The following PCSK6 variants were observed in gnomAD, a reference collection of about 807,000 sequenced individuals.
PCSK6 encodes proprotein convertase subtilisin/kexin type 6.
In PCSK6, 85 loss-of-function variants were observed where a neutral mutation model predicts 123.3. That is an observed-to-expected ratio of 0.69 (90% CI 0.58 to 0.83). The LOEUF is 0.83. PCSK6 is among the 40% of genes least tolerant of loss of function. The probability of loss-of-function intolerance (pLI) is 0.00; values close to 1 mark genes in which losing one functional copy is unlikely to be tolerated. For missense variants in PCSK6, 1,191 were observed against 1,282.3 expected, an observed-to-expected ratio of 0.93 and a Z score of 1.09; for synonymous variants, 508 against 516.0, an observed-to-expected ratio of 0.98 and a Z score of 0.21.
At chr15:101,332,454 A>C (rs2040391726) in intron 13 of PCSK6, among the ~76,000 whole-genome samples, 1 of 152,090 alleles carries the variant, frequency 6.6e-6, no homozygotes, top group Non-Finnish European at 1.5e-5. Flanking sequence ...CCTGGCTGTG[A>C]GTCTTGCCCT....
At chr15:101,342,629 C>T (rs554967762) in intron 13 of PCSK6, among the ~76,000 whole-genome samples, 5 of 152,294 alleles carry the variant, frequency 3.3e-5, no homozygotes, top group African/African-American at 9.6e-5. Context: ...CAGCTGGGCA[C>T]GGTGGCTCAC....
intron 13 of PCSK6, among the ~76,000 whole-genome samples, chr15:101,333,109 C>G (rs1440508872): frequency 6.6e-6 from 1 of 152,212 alleles, no homozygotes; most frequent in African/African-American, 2.4e-5. Context: ...CGCCTATCTG[C>G]AGGCCGACTC....
intron 20 of PCSK6, chr15:101,308,702 G>A (rs1301796773): frequency 8.8e-6 from 1 of 113,210 alleles, no homozygotes; most frequent in African/African-American, 3.8e-5. Flanking sequence ...GTGCACTTGT[G>A]GGAAGCCCCA....
intron 1 of PCSK6, among the ~76,000 whole-genome samples, chr15:101,470,613 A>G (rs757930833): frequency 2.0e-5 from 3 of 152,180 alleles, no homozygotes; most frequent in Non-Finnish European, 1.5e-5. Context: ...TAGAATTAGG[A>G]GAATCTATAA....
intron 20 of PCSK6, among the ~76,000 whole-genome samples, chr15:101,311,063 G>A (rs918394815): frequency 2.0e-5 from 3 of 152,130 alleles, no homozygotes; most frequent in Non-Finnish European, 4.4e-5. Context: ...CCTTGGTGAT[G>A]AGTGAGTTCA....
At chr15:101,444,276 G>A (rs538892304) in intron 1 of PCSK6, among the ~76,000 whole-genome samples, 1 of 152,284 alleles carries the variant, frequency 6.6e-6, no homozygotes, top group South Asian at 2.1e-4. Context: ...GGAACCAACA[G>A]CAGCCCTGTG....
At chr15:101,332,434 T>G (rs2040391104) in intron 13 of PCSK6, among the ~76,000 whole-genome samples, 1 of 152,218 alleles carries the variant, frequency 6.6e-6, no homozygotes, top group South Asian at 2.1e-4. Flanking sequence ...TGGGTAAATC[T>G]GGTGCCAGGC....
intron 13 of PCSK6, among the ~76,000 whole-genome samples, chr15:101,354,604 C>G (rs1373066210): frequency 6.6e-6 from 1 of 152,260 alleles, no homozygotes; most frequent in Non-Finnish European, 1.5e-5. Flanking sequence ...CTCAGACAGT[C>G]TTGCATTCTG....
At position 101,393,368 on chromosome 15, in the gene PCSK6, C is replaced by G. The variant is rs974748749; in HGVS notation, c.1053G>C (p.Glu351Asp). ...FVWASGNGGR[E>D]GDYCSCDGYT... is the part of the protein sequence containing the mutation. ...AGCCATCGCACGAGCAGTAGTCCCC[C>G]TCTCTCCCGCCATTCCCAGATGCCC... The change falls in exon 8 of 22, where the codon GAG (glutamate) becomes GAC (aspartate). Residue 351 changes from glutamate (E) to aspartate (D), a missense_variant. Glu to Asp is a conservative substitution (Grantham distance 45). Coordinates refer to ENST00000611716, the MANE Select transcript of PCSK6 (RefSeq NM_002570.5). The G allele has an allele frequency of 1.2e-6, 2 of 1,605,930 alleles. No homozygotes were observed. Among genetic ancestry groups the G allele is most frequent in the Non-Finnish European group, 1.7e-6 (2 of 1,176,074 alleles).
chr15:101,465,719 C>T (rs2057443616), intron 1 of PCSK6, among the ~76,000 whole-genome samples: 1 of 152,122 alleles, frequency 6.6e-6, no homozygotes. Context: ...TCTAAGGCAC[C>T]TGAACTACAC....
intron 15 of PCSK6, among the ~76,000 whole-genome samples, chr15:101,326,775 T>C (rs1194814395): frequency 2.0e-5 from 3 of 152,108 alleles, no homozygotes; most frequent in African/African-American, 7.2e-5. Context: ...AGATGGGACT[T>C]GTGAGAGCCT....
At position 101,332,810 on chromosome 15, in the gene PCSK6, T is replaced by C. The variant is rs2040398849; in HGVS notation, c.1859-779A>G. 4.6e-5 allele frequency among the ~76,000 whole-genome samples: 7 copies of C among 152,240 alleles called. No homozygotes were observed. In the South Asian group the frequency reaches 1.2e-3, roughly 27 times the overall value. ...CCACCGACAGCTCCACAGGGAGCGA[T>C]GGCCCATGCAGCTGTCTGTTCTCAG... On this transcript the variant is annotated intron_variant, in intron 13 of 21. Transcript: ENST00000611716.
At chr15:101,347,107 G>T (rs1477359717) in intron 13 of PCSK6, 1 of 1,231,614 alleles carries the variant, frequency 8.1e-7, no homozygotes, top group East Asian at 3.2e-5. Flanking sequence ...AAGGAAGTGG[G>T]AGTGATACTC....
chr15:101,383,240 C>A (rs1226254364), intron 10 of PCSK6, among the ~76,000 whole-genome samples: 1 of 151,888 alleles, frequency 6.6e-6, no homozygotes, highest in African/African-American at 2.4e-5. Context: ...AACCCCGTCT[C>A]CACTAAAAAT....
chr15:101,349,254 A>G (rs1346872312), intron 13 of PCSK6, among the ~76,000 whole-genome samples: 1 of 152,214 alleles, frequency 6.6e-6, no homozygotes, highest in Non-Finnish European at 1.5e-5. Flanking sequence ...CAGTTTCAAC[A>G]CAAAGCTTTT....
chr15:101,375,939 C>T (rs764750030), intron 11 of PCSK6, among the ~76,000 whole-genome samples: 3 of 152,150 alleles, frequency 2.0e-5, no homozygotes, highest in South Asian at 2.1e-4. Flanking sequence ...GAGGCTGAGG[C>T]AAGACCACTG....
At chr15:101,443,733 G>A in intron 1 of PCSK6, 73 bp from the exon 2 acceptor site, 1 of 1,062,828 alleles carries the variant, frequency 9.4e-7, no homozygotes, top group Non-Finnish European at 1.5e-6. Context: ...CACCCCACAA[G>A]AATCTCCCCC....
At chr15:101,449,032 G>T (rs1567229077) in intron 1 of PCSK6, among the ~76,000 whole-genome samples, 1 of 152,002 alleles carries the variant, frequency 6.6e-6, no homozygotes, top group Non-Finnish European at 1.5e-5. Context: ...TATGTATATG[G>T]ATGTGCAAGT....
chr15:101,364,181 C>G (rs985402126), intron 13 of PCSK6, among the ~76,000 whole-genome samples: 15 of 152,070 alleles, frequency 9.9e-5, no homozygotes, highest in Admixed American at 8.5e-4. Flanking sequence ...CACGCACTCC[C>G]AGGGTGACCA....
Sources: gnomAD v4.1 joint callset for allele counts (sites outside exome capture counted in the v4.1 genomes callset) on GRCh38, gnomAD v4.1.1 for gene constraint, MANE v1.5 for transcripts, NCBI Gene and HGNC (gene_info 2026-07-23, HGNC 2026-07-21) for gene names.